TEX10: variants seen among roughly 807,000 people sequenced by gnomAD.
TEX10 encodes the protein testis-expressed protein 10.
A neutral mutation model predicts 104.4 loss-of-function variants in TEX10; 24 were observed. The ratio of observed to expected loss-of-function variants is 0.23; its 90% confidence interval spans 0.17 to 0.32. The LOEUF (loss-of-function observed/expected upper bound fraction) is 0.32, where lower values mean the gene tolerates loss of function less well. Among genes scored for constraint, TEX10 ranks in the 10% least tolerant of loss-of-function variants. The pLI is 1.00. For missense variants in TEX10, 921 were observed against 1,083.9 expected (o/e 0.85, Z 2.11); for synonymous variants, 396 against 393.4 (o/e 1.01, Z -0.08).
intron 7 of TEX10, among the ~76,000 whole-genome samples, chr9:100,328,896 A>G (rs565228846): frequency 1.7e-4 from 26 of 152,336 alleles, no homozygotes; most frequent in Middle Eastern, 3.4e-3. Flanking sequence ...TCCCTTAGCT[A>G]TAAGTGGACA....
intron 1 of TEX10, among the ~76,000 whole-genome samples, chr9:100,351,092 G>T (rs1343419121): frequency 6.6e-6 from 1 of 152,042 alleles, no homozygotes; most frequent in African/African-American, 2.4e-5. Context: ...TAGATGCATT[G>T]TGTACCTCAG....
At chr9:100,341,634 G>T (rs565879412) in intron 4 of TEX10, among the ~76,000 whole-genome samples, 1 of 152,012 alleles carries the variant, frequency 6.6e-6, no homozygotes, top group African/African-American at 2.4e-5. Context: ...CTTTTACTTG[G>T]ATTACTGCAA....
chr9:100,322,045 GAA>G (rs1019453072), intron 9 of TEX10, among the ~76,000 whole-genome samples: 2 of 152,042 alleles, frequency 1.3e-5, no homozygotes, highest in African/African-American at 4.8e-5. Flanking sequence ...CATCCCATCT[GAA>G]AATCAGACTC....
rs758193340 is a variant in TEX10 at position 100,302,320 on chromosome 9, A to G, written c.2677-16T>C. 2.5e-6 allele frequency: 4 copies of G among 1,582,424 alleles called. No individual in the cohort carries two copies. Among genetic ancestry groups the G allele is most frequent in the Non-Finnish European group, 3.5e-6 (4 of 1,153,790 alleles). ...TCTTCAATGTCTGGAGAGAAAAACA[A>G]GAGTAATCTGAGAACTGCACCCAAA... On this transcript the variant is annotated splice_polypyrimidine_tract_variant and intron_variant, in intron 14 of 14. Transcript: ENST00000374902.
chr9:100,331,732 T>C (rs912177280), intron 5 of TEX10, among the ~76,000 whole-genome samples: 15 of 152,344 alleles, frequency 9.8e-5, no homozygotes, highest in Middle Eastern at 3.4e-3. Flanking sequence ...TGCAAGCTTC[T>C]TTCAGAGACA....
In TEX10 at chr9:100,347,054, C is replaced by T. The variant is rs774262520; in HGVS notation, c.533G>A (p.Arg178His). 1.6e-5 allele frequency: 26 copies of T among 1,614,158 alleles called. No individual in the cohort carries two copies. The highest frequency in any genetic ancestry group is 1.6e-4 in the East Asian group (7 of 44,886). The change falls in exon 3 of 15, where the codon CGT becomes CAT. Residue 178 changes from arginine to histidine, a missense_variant. Transcript: ENST00000374902. The part of the protein sequence containing the change: ...LEQYPALITG[R>H]SSILLKNFVE... ...AAAATTCTTAAGCAATATGCTGCTA[C>T]GGCCAGTAATTAGAGCTGGGTACTG...
intron 5 of TEX10, among the ~76,000 whole-genome samples, chr9:100,332,179 GA>G (rs1483588257): frequency 1.3e-5 from 2 of 152,198 alleles, no homozygotes; most frequent in African/African-American, 4.8e-5. Flanking sequence ...TAGCTGCAAA[GA>G]AAACTGGGAA....
chr9:100,352,558 T>A (rs955878332), intron 1 of TEX10: 538 of 1,541,126 alleles, frequency 3.5e-4, no homozygotes, highest in Non-Finnish European at 2.9e-4. Flanking sequence ...CCCAGTCACC[T>A]GAAGCTCCGC....
In TEX10 at chr9:100,302,311, A is replaced by T; in HGVS notation, c.2677-7T>A. The T allele has an allele frequency of 6.3e-7, 1 of 1,597,504 alleles. No homozygotes were observed. Among genetic ancestry groups the T allele is most frequent in the Non-Finnish European group, 8.6e-7 (1 of 1,166,894 alleles). ...CACTTCCACTCTTCAATGTCTGGAG[A>T]GAAAAACAAGAGTAATCTGAGAACT... On this transcript the variant is annotated splice_region_variant and splice_polypyrimidine_tract_variant and intron_variant, in intron 14 of 14. Transcript: ENST00000374902.
intron 4 of TEX10, among the ~76,000 whole-genome samples, chr9:100,342,426 A>G (rs185017034): frequency 1.3e-4 from 20 of 152,364 alleles, no homozygotes; most frequent in Admixed American, 1.2e-3. Flanking sequence ...CTAGAATAGT[A>G]CTATTCAAAA....
chr9:100,328,695 T>C (rs1358521618), intron 7 of TEX10, among the ~76,000 whole-genome samples: 1 of 152,192 alleles, frequency 6.6e-6, no homozygotes, highest in African/African-American at 2.4e-5. Context: ...CAAACTCACC[T>C]TATTGAAAAA....
chr9:100,347,360 C>T lies in TEX10; in HGVS notation c.227G>A (p.Ser76Asn), dbSNP rs1445925264. Residue 76 changes from serine to asparagine, a missense_variant, in exon 3 of 15, where the codon AGT becomes AAT. By Grantham distance (46) the Ser-to-Asn change is conservative (BLOSUM62 1). Coordinates refer to ENST00000374902, the MANE Select transcript of TEX10 (RefSeq NM_017746.4). ...MHHYNAGVKQ[S>N]ALLGLKDLLS... is the part of the protein sequence containing the mutation. ...AAGGTCTTTAAGTCCAAGAAGAGCA[C>T]TTTGTTTAACCCCAGCATTGTAGTG... 2 of 1,611,548 alleles carry T rather than the reference C, an allele frequency of 1.2e-6. No homozygotes were observed. Among genetic ancestry groups the T allele is most frequent in the Non-Finnish European group, 1.7e-6 (2 of 1,178,824 alleles).
At chr9:100,310,478 GC>G in intron 11 of TEX10, 99 bp from the exon 12 acceptor site, 2 of 1,128,362 alleles carry the variant, frequency 1.8e-6, no homozygotes, top group Non-Finnish European at 2.6e-6. Context: ...TCACTCTGTC[GC>G]CCAGGCTGGA....
chr9:100,302,808 T>A lies in TEX10; in HGVS notation c.2677-504A>T, dbSNP rs554238931. On this transcript the variant is annotated intron_variant, in intron 14 of 14. Coordinates refer to ENST00000374902, the MANE Select transcript of TEX10 (RefSeq NM_017746.4). ...CTTCCATTACCCCTACAAAGGCTACTGAAAAAATACTAATGAGCACCTGTG... is the reference window on the plus strand; with the variant it reads ...CTTCCATTACCCCTACAAAGGCTACAGAAAAAATACTAATGAGCACCTGTG... Among the ~76,000 whole-genome samples the A allele has an allele frequency of 3.9e-5, 6 of 152,276 alleles. No homozygotes were observed. The East Asian group carries it at 1.2e-3, about 29-fold the overall frequency.
intron 10 of TEX10, 38 bp downstream of exon 10, chr9:100,321,645 G>GT (rs1336880864): frequency 2.6e-6 from 4 of 1,525,944 alleles, no homozygotes; most frequent in Non-Finnish European, 3.6e-6. Flanking sequence ...TTCATATTAG[G>GT]TTTTTTCTTT....
At chr9:100,308,806 CAT>C (rs1393744787) in intron 12 of TEX10, 125 bp from the exon 13 acceptor site, 5 of 738,276 alleles carry the variant, frequency 6.8e-6, no homozygotes, top group African/African-American at 1.8e-5. Flanking sequence ...ATATACCTAA[CAT>C]ATGCCACCTG....
intron 13 of TEX10, chr9:100,307,218 T>C (rs911050868): frequency 2.0e-5 from 3 of 152,354 alleles, no homozygotes; most frequent in East Asian, 1.9e-4. Flanking sequence ...CAGAATACTA[T>C]AGAGCAGACT....
chr9:100,344,871 T>C (rs1297369292), intron 4 of TEX10, among the ~76,000 whole-genome samples: 4 of 152,056 alleles, frequency 2.6e-5, no homozygotes, highest in Non-Finnish European at 4.4e-5. Flanking sequence ...AAGAAAAAAC[T>C]AGCACTCAAA....
intron 11 of TEX10, 75 bp from the exon 12 acceptor site, chr9:100,310,454 T>C: frequency 1.5e-6 from 2 of 1,370,102 alleles, no homozygotes; most frequent in Non-Finnish European, 2.0e-6. Flanking sequence ...GATTCTTTTT[T>C]TTGAGACAGA....
Sources: allele counts gnomAD v4.1 joint callset (sites outside exome capture counted in the v4.1 genomes callset), GRCh38; gene constraint gnomAD v4.1.1; transcripts MANE v1.5; gene names NCBI Gene and HGNC (gene_info 2026-07-23, HGNC 2026-07-21).